The following PLD5 variants were observed in gnomAD, a reference collection of about 807,000 sequenced individuals.
PLD5 encodes the protein inactive phospholipase D5.
PLD5 carries 36 observed loss-of-function variants against 61.1 expected under a neutral mutation model. The ratio of observed to expected loss-of-function variants is 0.59; its 90% CI spans 0.45 to 0.78. The LOEUF (loss-of-function observed/expected upper bound fraction) is 0.78, where lower values mean the gene tolerates loss of function less well. Ranked by LOEUF, PLD5 falls within the 30% of genes least tolerant of loss-of-function variation. The probability of loss-of-function intolerance (pLI) is 0.00; values close to 1 mark genes in which losing one functional copy is unlikely to be tolerated. For missense variants in PLD5, 515 were observed against 644.4 expected (o/e 0.80, Z 2.17); for synonymous variants, 243 against 242.8 (o/e 1.00, Z -0.01).
chr1:242,129,527 T>G (rs542438673), intron 5 of PLD5, among the ~76,000 whole-genome samples: 5 of 152,304 alleles, frequency 3.3e-5, no homozygotes, highest in African/African-American at 9.6e-5. Flanking sequence ...TATGACAAAT[T>G]TTAAAATGCT....
intron 5 of PLD5, among the ~76,000 whole-genome samples, chr1:242,218,482 T>C (rs1847097): frequency 0.43 from 65,889 of 152,022 alleles, 14,490 homozygotes; most frequent in East Asian, 0.6. Flanking sequence ...CCTAGTTCAA[T>C]CCAGAGATTA....
intron 5 of PLD5, among the ~76,000 whole-genome samples, chr1:242,140,464 C>T (rs1163684134): frequency 6.6e-6 from 1 of 152,080 alleles, no homozygotes; most frequent in Non-Finnish European, 1.5e-5. Flanking sequence ...GGTTTAGTAG[C>T]CTTCTCTACT....
At chr1:242,354,806 C>A (rs1660668697) in intron 1 of PLD5, among the ~76,000 whole-genome samples, 1 of 149,332 alleles carries the variant, frequency 6.7e-6, no homozygotes, top group Non-Finnish European at 1.5e-5. Flanking sequence ...CTCCTATATA[C>A]AATTTGAGTG....
chr1:242,359,837 C>T (rs1660971142), intron 1 of PLD5, among the ~76,000 whole-genome samples: 1 of 152,048 alleles, frequency 6.6e-6, no homozygotes, highest in South Asian at 2.1e-4. Flanking sequence ...TGAGTCTTTG[C>T]TATTGTTAGT....
intron 7 of PLD5, among the ~76,000 whole-genome samples, chr1:242,108,707 T>C (rs1312069544): frequency 6.6e-6 from 1 of 152,214 alleles, no homozygotes; most frequent in Non-Finnish European, 1.5e-5. Context: ...AGACCTTTTG[T>C]TTACTCATCA....
intron 5 of PLD5, among the ~76,000 whole-genome samples, chr1:242,205,621 T>G (rs192965789): frequency 6.6e-6 from 1 of 152,374 alleles, no homozygotes; most frequent in Non-Finnish European, 1.5e-5. Context: ...CTCTGTTGTA[T>G]TTGAAGTTGA....
rs1663678350 is a variant in PLD5 at position 242,135,844 on chromosome 1, A to G, written c.736-11179T>C. Among the ~76,000 whole-genome samples the G allele has an allele frequency of 1.3e-5, 2 of 152,176 alleles. 1 individual carries two copies. Among genetic ancestry groups the G allele is most frequent in the South Asian group, 4.2e-4 (2 of 4,802 alleles). On this transcript the variant is annotated intron_variant, in intron 5 of 9. Coordinates refer to ENST00000536534, the MANE Select transcript of PLD5 (RefSeq NM_001372062.1). ...TAAGTACTTCTACCCTTTTGGAAGC[A>G]TTAAAAAACATAACTTCCTCCTCCT...
chr1:242,155,133 C>T (rs10926626), intron 5 of PLD5, among the ~76,000 whole-genome samples: 15,776 of 152,100 alleles, frequency 0.1, 1,337 homozygotes, highest in East Asian at 0.36. Context: ...TTATTATTTG[C>T]GTAGAGCTGT....
At chr1:242,297,236 C>T (rs1423256718) in intron 2 of PLD5, among the ~76,000 whole-genome samples, 1 of 150,074 alleles carries the variant, frequency 6.7e-6, no homozygotes, top group Non-Finnish European at 1.5e-5. Flanking sequence ...CCCAGCTATT[C>T]AGGAGGCTGA....
intron 5 of PLD5, among the ~76,000 whole-genome samples, chr1:242,193,307 T>A (rs1574488192): frequency 6.6e-6 from 1 of 152,208 alleles, no homozygotes; most frequent in South Asian, 2.1e-4. Flanking sequence ...TTCTCTTTTC[T>A]GGAAATTCTC....
rs575035436 is a variant in PLD5, at chr1:242,348,863, G to T, written c.190-621C>A. Among the ~76,000 whole-genome samples, 15 of 152,218 alleles carry T rather than the reference G, an allele frequency of 9.9e-5. No individual in the cohort carries two copies. In the East Asian group the frequency reaches 2.1e-3, roughly 22 times the overall value. Reference sequence around the variant, plus strand: ...AGGTCAGGAGATCAAGACCGTCCTGGCTAACACGGTGAAACCCTGTCTCTA... The same window carrying T: ...AGGTCAGGAGATCAAGACCGTCCTGTCTAACACGGTGAAACCCTGTCTCTA... On this transcript the variant is annotated intron_variant, in intron 1 of 9. Transcript: ENST00000536534.
At chr1:242,495,987 G>A (rs1336552343) in intron 1 of PLD5, among the ~76,000 whole-genome samples, 1 of 152,180 alleles carries the variant, frequency 6.6e-6, no homozygotes, top group Non-Finnish European at 1.5e-5. Flanking sequence ...CATCAAATTG[G>A]TGTAATGTAA....
rs1659349665 is a variant in PLD5 at position 242,083,970 on chromosome 1, G to A, written c.*5884C>T. 6.6e-6 allele frequency: 1 copy of A among 152,114 alleles called. No homozygotes were observed. The highest frequency in any genetic ancestry group is 6.6e-5 in the Admixed American group (1 of 15,260). 9.4% of individuals were successfully genotyped at this position (152,114 alleles called of 1,614,324 possible). A position where few individuals can be genotyped will look rare whatever the true frequency, so the allele number is the denominator to read the frequency against. ...CTTTTCAGAATTTTCCGCCCATGGG[G>A]AATAGGAGAGTCCATAAGGGAATTA... On this transcript the variant is annotated 3_prime_UTR_variant, in exon 10 of 10. Transcript: ENST00000536534.
At chr1:242,273,415 G>A (rs1330750960) in intron 3 of PLD5, among the ~76,000 whole-genome samples, 1 of 152,128 alleles carries the variant, frequency 6.6e-6, no homozygotes, top group East Asian at 1.9e-4. Context: ...TTTTAATTCA[G>A]TTCGAAACAG....
chr1:242,428,170 A>C (rs894759343), intron 1 of PLD5, among the ~76,000 whole-genome samples: 2 of 152,216 alleles, frequency 1.3e-5, no homozygotes, highest in African/African-American at 4.8e-5. Context: ...AACCTCCTCC[A>C]AGAAACAACT....
chr1:242,511,658 C>T (rs1469152715), intron 1 of PLD5, among the ~76,000 whole-genome samples: 2 of 151,610 alleles, frequency 1.3e-5, no homozygotes, highest in Non-Finnish European at 2.9e-5. Context: ...TGCCTTTAAA[C>T]CGTCAAGGTG....
At chr1:242,170,030 C>A (rs564666548) in intron 5 of PLD5, among the ~76,000 whole-genome samples, 2 of 152,338 alleles carry the variant, frequency 1.3e-5, no homozygotes, top group African/African-American at 4.8e-5. Context: ...AACGCCCCTG[C>A]CCAATGGCTC....
intron 4 of PLD5, among the ~76,000 whole-genome samples, chr1:242,259,440 G>A (rs2149095307): frequency 6.6e-6 from 1 of 152,194 alleles, no homozygotes; most frequent in South Asian, 2.1e-4. Flanking sequence ...ACACAGCCCT[G>A]AAAAAGTAGG....
intron 5 of PLD5, among the ~76,000 whole-genome samples, chr1:242,172,155 A>C (rs1278721483): frequency 6.6e-6 from 1 of 152,232 alleles, no homozygotes; most frequent in African/African-American, 2.4e-5. Flanking sequence ...AGCAAATGCA[A>C]AAGAATGGAA....
Sources: allele counts gnomAD v4.1 joint callset (sites outside exome capture counted in the v4.1 genomes callset), GRCh38; gene constraint gnomAD v4.1.1; transcripts MANE v1.5; gene names NCBI Gene and HGNC (gene_info 2026-07-23, HGNC 2026-07-21).